PTPRT: variants seen among roughly 807,000 people sequenced by gnomAD.
PTPRT encodes the protein receptor-type tyrosine-protein phosphatase T.
Under a neutral mutation model 176.8 loss-of-function variants are expected in PTPRT, and 56 were observed. The ratio of observed to expected loss-of-function variants is 0.32; its 90% CI spans 0.26 to 0.40. PTPRT has a LOEUF of 0.40. PTPRT is among the 10% of genes least tolerant of loss of function. The pLI, the probability that PTPRT is intolerant of heterozygous loss-of-function variation, is 1.00. For missense variants in PTPRT, 1,540 were observed against 1,908.2 expected, an observed-to-expected ratio of 0.81 and a Z score of 3.60; for synonymous variants, 783 against 739.0, an observed-to-expected ratio of 1.06 and a Z score of -0.96.
intron 14 of PTPRT, among the ~76,000 whole-genome samples, chr20:42,242,562 T>C (rs929235904): frequency 3.9e-5 from 6 of 152,152 alleles, no homozygotes; most frequent in African/African-American, 1.4e-4. Context: ...CCTACTGAAT[T>C]AGTCCTTAAA....
intron 16 of PTPRT, among the ~76,000 whole-genome samples, chr20:42,169,286 C>A (rs1482266279): frequency 1.3e-5 from 2 of 152,044 alleles, no homozygotes; most frequent in Admixed American, 1.3e-4. Context: ...TGGGAACAGT[C>A]ATGGGAAAAT....
the PTPRT span, among the ~76,000 whole-genome samples, chr20:42,066,203 T>TG: frequency 7.4e-6 from 1 of 136,028 alleles, no homozygotes. Flanking sequence ...CCATGACGGC[T>TG]GATTTTTTTT....
At chr20:42,893,974 C>T (rs2079245254) in intron 1 of PTPRT, among the ~76,000 whole-genome samples, 2 of 151,408 alleles carry the variant, frequency 1.3e-5, no homozygotes, top group East Asian at 1.9e-4. Flanking sequence ...AACAAACCTG[C>T]ACATTGTGCA....
chr20:42,851,210 C>G (rs2078463703), intron 2 of PTPRT, among the ~76,000 whole-genome samples: 1 of 152,084 alleles, frequency 6.6e-6, no homozygotes, highest in South Asian at 2.1e-4. Flanking sequence ...GAGTTTTTGC[C>G]TCTGCTTTTA....
At chr20:42,157,911 C>T (rs917101088) in intron 17 of PTPRT, among the ~76,000 whole-genome samples, 1 of 152,234 alleles carries the variant, frequency 6.6e-6, no homozygotes, top group African/African-American at 2.4e-5. Context: ...GAAGCCCAGG[C>T]CACTGAAGAG....
At chr20:42,366,535 AGTTCTTCTTCTGTCCC>A (rs1020735854) in intron 9 of PTPRT, among the ~76,000 whole-genome samples, 16 of 152,284 alleles carry the variant, frequency 1.1e-4, no homozygotes, top group East Asian at 1.9e-4. Context: ...CTCTCTGTCC[AGTTCTTCTTCTGTCCC>A]GTTCTTCTTC....
In PTPRT at chr20:42,199,371, T is replaced by G; in HGVS notation, c.2360A>C (p.Gln787Pro). The G allele has an allele frequency of 6.2e-7, 1 of 1,613,892 alleles. No homozygotes were observed. The highest frequency in any genetic ancestry group is 8.5e-7 in the Non-Finnish European group (1 of 1,179,902). Residue 787 changes from glutamine to proline, a missense_variant, in exon 16 of 31, where the codon CAG becomes CCG. Physicochemically the swap from Gln to Pro is moderately conservative, Grantham distance 76 (BLOSUM62 -1). Around this residue, in one of 11 missense-constraint regions of PTPRT, gnomAD observed 255 missense variants for 250.1 expected, o/e 1.02. Coordinates refer to ENST00000373187, the MANE Select transcript of PTPRT (RefSeq NM_007050.6). ...CTGGGCTCCACTCTGGGTCTCCTTC[T>G]GCTTCTTGGCCAGCTTCCTTTGGGA... ...YSYYLKLAKK[Q>P]KETQSGAQRE...
intron 1 of PTPRT, among the ~76,000 whole-genome samples, chr20:43,141,315 T>C (rs1227120367): frequency 5.3e-5 from 8 of 152,172 alleles, no homozygotes; most frequent in Admixed American, 5.2e-4. Context: ...CTGCTGGTCG[T>C]GGCGAGGCTC....
intron 13 of PTPRT, among the ~76,000 whole-genome samples, chr20:42,254,746 G>T (rs1227843322): frequency 6.6e-6 from 1 of 152,140 alleles, no homozygotes; most frequent in Non-Finnish European, 1.5e-5. Context: ...AGGTCATTAT[G>T]GTTCCAAAGT....
chr20:42,097,614 C>T (rs181216050), intron 27 of PTPRT, among the ~76,000 whole-genome samples: 11 of 152,274 alleles, frequency 7.2e-5, no homozygotes, highest in East Asian at 1.9e-4. Flanking sequence ...CAAGACCATG[C>T]GCTTTTGGAG....
At chr20:42,266,994 C>A (rs559425637) in intron 13 of PTPRT, among the ~76,000 whole-genome samples, 6 of 152,092 alleles carry the variant, frequency 3.9e-5, no homozygotes, top group Admixed American at 1.3e-4. Flanking sequence ...CTGTTGTTTT[C>A]TTTAATTTTG....
At chr20:43,118,797 G>A (rs903943621) in intron 1 of PTPRT, among the ~76,000 whole-genome samples, 5 of 152,184 alleles carry the variant, frequency 3.3e-5, no homozygotes, top group African/African-American at 9.7e-5. Flanking sequence ...ATCCACCCAA[G>A]ATCACACAGC....
At chr20:42,669,426 C>A (rs1490291003) in intron 7 of PTPRT, among the ~76,000 whole-genome samples, 1 of 152,092 alleles carries the variant, frequency 6.6e-6, no homozygotes, top group South Asian at 2.1e-4. Flanking sequence ...TTTCTACTGG[C>A]TACTGTTTCC....
At chr20:42,692,849 C>G (rs2075813092) in intron 6 of PTPRT, among the ~76,000 whole-genome samples, 1 of 151,958 alleles carries the variant, frequency 6.6e-6, no homozygotes, top group Non-Finnish European at 1.5e-5. Context: ...TTAAAAAGTG[C>G]CATTTACCCA....
chr20:42,128,698 C>A, intron 19 of PTPRT, 56 bp downstream of exon 19: 1 of 1,454,238 alleles, frequency 6.9e-7, no homozygotes, highest in Non-Finnish European at 9.3e-7. Flanking sequence ...GGGTAAACCA[C>A]AGATCTTGAG....
intron 2 of PTPRT, among the ~76,000 whole-genome samples, chr20:42,832,003 T>C (rs1160465736): frequency 6.6e-6 from 1 of 152,194 alleles, no homozygotes; most frequent in Non-Finnish European, 1.5e-5. Context: ...GAACTATCAT[T>C]CGACCCAGCA....
At chr20:42,812,825 T>G (rs945955383) in intron 2 of PTPRT, among the ~76,000 whole-genome samples, 1 of 152,168 alleles carries the variant, frequency 6.6e-6, no homozygotes, top group African/African-American at 2.4e-5. Flanking sequence ...AAATAAATGT[T>G]TCATGCATAA....
chr20:43,189,587 G>A lies in PTPRT; in HGVS notation c.88+59C>T, dbSNP rs1185651685. On this transcript the variant is annotated intron_variant, in intron 1 of 30. Transcript: ENST00000373187. The surrounding 1 kb of genome is among the most constrained non-coding windows in gnomAD (Gnocchi z 5.0). ...CTCCTCCGAGGGCCCCGCGGCTGGG[G>A]GCCCGCGCGCATCCAGGAGGGAGCG... 2.7e-6 allele frequency: 3 copies of A among 1,125,646 alleles called. No homozygotes were observed. Among genetic ancestry groups the A allele is most frequent in the Non-Finnish European group, 2.2e-6 (2 of 897,890 alleles). The allele number at this position is 1,125,646 out of a possible 1,614,324, so 69.7% of individuals were successfully genotyped here.
chr20:42,409,037 T>A (rs79232566), intron 9 of PTPRT, among the ~76,000 whole-genome samples: 13 of 152,312 alleles, frequency 8.5e-5, no homozygotes, highest in Non-Finnish European at 1.6e-4. Context: ...ACTATCACAC[T>A]GATGATGAAA....
Sources: gnomAD v4.1 joint callset for allele counts (sites outside exome capture counted in the v4.1 genomes callset) on GRCh38, gnomAD v4.1.1 for gene constraint, gnomAD v4.1.1 regional missense constraint, Gnocchi (gnomAD v3.1) non-coding constraint, MANE v1.5 for transcripts, NCBI Gene and HGNC (gene_info 2026-07-23, HGNC 2026-07-21) for gene names.